Variants in NAALADL2 observed in about 807,000 individuals in gnomAD.
The protein encoded by NAALADL2 is N-acetylated alpha-linked acidic dipeptidase like 2.
A neutral mutation model predicts 87.2 loss-of-function variants in NAALADL2; 76 were observed. The observed-to-expected ratio is 0.87, with a 90% CI of 0.72 to 1.05. The LOEUF is 1.05. Ranked by LOEUF, NAALADL2 falls within the 50% of genes least tolerant of loss-of-function variation. NAALADL2 has a pLI of 0.00. For synonymous variants in NAALADL2, 354 were observed against 331.0 expected (o/e 1.07, Z -0.75); for missense variants, 1,089 against 945.8 (o/e 1.15, Z -1.99).
chr3:175,284,513 A>AT (rs1336017887), intron 4 of NAALADL2, among the ~76,000 whole-genome samples: 2 of 150,926 alleles, frequency 1.3e-5, no homozygotes, highest in African/African-American at 4.9e-5. Context: ...TGGAGGCCTG[A>AT]TTTAAAAAAA....
intron 3 of NAALADL2, among the ~76,000 whole-genome samples, chr3:174,837,804 AAC>A (rs1723519096): frequency 6.6e-6 from 1 of 152,056 alleles, no homozygotes; most frequent in East Asian, 1.9e-4. Context: ...AAAAAAAACA[AAC>A]ACAAAAACAA....
chr3:174,967,924 T>C (rs1743104684), intron 1 of NAALADL2, among the ~76,000 whole-genome samples: 1 of 152,208 alleles, frequency 6.6e-6, no homozygotes, highest in Non-Finnish European at 1.5e-5. Context: ...AAGAAACAAT[T>C]ACCCATCTTT....
intron 2 of NAALADL2, among the ~76,000 whole-genome samples, chr3:175,211,579 C>T (rs780886990): frequency 6.6e-6 from 1 of 151,876 alleles, no homozygotes; most frequent in African/African-American, 2.4e-5. Context: ...CTACAGATTC[C>T]TAACTTACAT....
At chr3:175,593,036 C>T (rs1288928785) in intron 10 of NAALADL2, among the ~76,000 whole-genome samples, 2 of 151,832 alleles carry the variant, frequency 1.3e-5, no homozygotes, top group African/African-American at 4.8e-5. Context: ...TTCCAAGGTA[C>T]AGTGCAGGAT....
At chr3:174,783,161 A>G (rs1186715543) in intron 3 of NAALADL2, among the ~76,000 whole-genome samples, 1 of 152,178 alleles carries the variant, frequency 6.6e-6, no homozygotes, top group Non-Finnish European at 1.5e-5. Flanking sequence ...AATAATTTGC[A>G]TCATCTTAAA....
chr3:175,123,865 C>T (rs1169157187), intron 2 of NAALADL2, among the ~76,000 whole-genome samples: 1 of 151,962 alleles, frequency 6.6e-6, no homozygotes, highest in Non-Finnish European at 1.5e-5. Flanking sequence ...TTTTCTTCAA[C>T]CATATCATGT....
intron 1 of NAALADL2, among the ~76,000 whole-genome samples, chr3:174,965,735 G>A (rs1378159754): frequency 6.6e-6 from 1 of 152,144 alleles, no homozygotes; most frequent in African/African-American, 2.4e-5. Flanking sequence ...CAGTGAATGT[G>A]TCTTTCAGCG....
chr3:175,257,890 ATGTAT>A (rs1750289233), intron 4 of NAALADL2, among the ~76,000 whole-genome samples: 3 of 152,186 alleles, frequency 2.0e-5, no homozygotes, highest in Admixed American at 6.5e-5. Context: ...CCTTTAAAAA[ATGTAT>A]TATATTAATC....
intron 11 of NAALADL2, among the ~76,000 whole-genome samples, chr3:175,736,448 TGTGAAGATCTACCC>T (rs1234626335): frequency 1.3e-5 from 2 of 152,134 alleles, no homozygotes; most frequent in Non-Finnish European, 2.9e-5. Context: ...GGAAGCCAAA[TGTGAAGATCTACCC>T]GTGAAGACAC....
intron 2 of NAALADL2, among the ~76,000 whole-genome samples, chr3:174,651,612 T>C (rs1200041091): frequency 4.6e-5 from 7 of 152,172 alleles, no homozygotes; most frequent in Admixed American, 4.6e-4. Context: ...ACTGATAATA[T>C]TGAGTGATTT....
chr3:175,650,314 G>C (rs924788548), intron 11 of NAALADL2, among the ~76,000 whole-genome samples: 1 of 152,128 alleles, frequency 6.6e-6, no homozygotes, highest in African/African-American at 2.4e-5. Flanking sequence ...CTAGGTCTGG[G>C]GGACAGTGAG....
At chr3:175,505,494 G>A (rs1560669851) in intron 9 of NAALADL2, among the ~76,000 whole-genome samples, 1 of 152,050 alleles carries the variant, frequency 6.6e-6, no homozygotes, top group South Asian at 2.1e-4. Context: ...AAAAAGAATA[G>A]ACACTACTTG....
At chr3:175,724,229 G>A (rs1039676365) in intron 11 of NAALADL2, among the ~76,000 whole-genome samples, 11 of 152,008 alleles carry the variant, frequency 7.2e-5, no homozygotes, top group Admixed American at 7.2e-4. Context: ...TTGAATTGTT[G>A]GGCTATGTCA....
intron 11 of NAALADL2, among the ~76,000 whole-genome samples, chr3:175,722,838 C>A (rs1432965926): frequency 1.3e-5 from 2 of 152,060 alleles, no homozygotes; most frequent in African/African-American, 4.8e-5. Context: ...TTAGAATATG[C>A]AAAAACCATA....
intron 1 of NAALADL2, among the ~76,000 whole-genome samples, chr3:174,997,897 G>A (rs1198045400): frequency 2.6e-5 from 4 of 151,988 alleles, no homozygotes; most frequent in Admixed American, 6.6e-5. Context: ...AGAAACCAAA[G>A]AAGAAATAAA....
intron 2 of NAALADL2, among the ~76,000 whole-genome samples, chr3:174,642,748 AC>A (rs1186240539): frequency 5.3e-4 from 21 of 39,594 alleles, no homozygotes; most frequent in Non-Finnish European, 9.3e-4. Context: ...ATGAAAAAAA[AC>A]ATATATATAT....
intron 3 of NAALADL2, among the ~76,000 whole-genome samples, chr3:174,797,630 T>C (rs1718300390): frequency 6.6e-6 from 1 of 152,160 alleles, no homozygotes; most frequent in Non-Finnish European, 1.5e-5. Flanking sequence ...ATGTGATGCC[T>C]CCTGCTTTGT....
At chr3:174,486,022 C>G (rs1008793801) in intron 1 of NAALADL2, among the ~76,000 whole-genome samples, 1 of 151,994 alleles carries the variant, frequency 6.6e-6, no homozygotes, top group Admixed American at 6.6e-5. Context: ...ACAGAACTAC[C>G]ATTCAACTCA....
At chr3:175,140,802 G>A (rs1222409774) in intron 2 of NAALADL2, among the ~76,000 whole-genome samples, 1 of 152,124 alleles carries the variant, frequency 6.6e-6, no homozygotes, top group African/African-American at 2.4e-5. Context: ...TGTTTTTGCA[G>A]AAGGAAACAG....
Sources: gnomAD v4.1 joint callset for allele counts (sites outside exome capture counted in the v4.1 genomes callset) on GRCh38, gnomAD v4.1.1 for gene constraint, MANE v1.5 for transcripts, NCBI Gene and HGNC (gene_info 2026-07-23, HGNC 2026-07-21) for gene names.